ARHGAP22: variants seen among roughly 807,000 people sequenced by gnomAD.
The protein encoded by ARHGAP22 is Rho GTPase activating protein 22, also known as rho GTPase-activating protein 22.
A neutral mutation model predicts 59.1 loss-of-function variants in ARHGAP22; 48 were observed. That is an observed-to-expected ratio of 0.81 (90% confidence interval 0.64 to 1.03). The LOEUF (loss-of-function observed/expected upper bound fraction) is 1.03. Among genes scored for constraint, ARHGAP22 ranks in the 50% least tolerant of loss-of-function variants. The pLI is 0.00. For synonymous variants in ARHGAP22, 445 were observed against 416.4 expected (o/e 1.07, Z -0.84); for missense variants, 1,015 against 958.7 (o/e 1.06, Z -0.78).
chr10:48,448,487 G>C (rs1343619330), intron 9 of ARHGAP22, among the ~76,000 whole-genome samples: 1 of 152,196 alleles, frequency 6.6e-6, no homozygotes, highest in African/African-American at 2.4e-5. Context: ...GTACTTCACA[G>C]AAAACAGGTT....
At chr10:48,438,281 GT>G in the ARHGAP22 span, 1 of 152,144 alleles carries the variant, frequency 6.6e-6, no homozygotes, top group African/African-American at 2.4e-5. Context: ...TTGCATTTTT[GT>G]GTGCATTGTG....
At chr10:48,543,174 C>T (rs895704276) in intron 3 of ARHGAP22, among the ~76,000 whole-genome samples, 3 of 152,182 alleles carry the variant, frequency 2.0e-5, no homozygotes, top group Non-Finnish European at 2.9e-5. Context: ...GCCCTAGGCC[C>T]GCACAGAGAT....
At chr10:48,608,467 G>A (rs528027157), upstream of ARHGAP22, among the ~76,000 whole-genome samples, 16 of 152,316 alleles carry the variant, frequency 1.1e-4, no homozygotes, top group African/African-American at 3.6e-4. Context: ...GCAAAGCCCT[G>A]CTTCCCCTGT....
chr10:48,434,836 T>C, the ARHGAP22 span: 1 of 1,539,784 alleles, frequency 6.5e-7, no homozygotes, highest in Non-Finnish European at 8.8e-7. Context: ...AGTAGCTTGA[T>C]CTGCAGCTGT....
intron 3 of ARHGAP22, among the ~76,000 whole-genome samples, chr10:48,492,627 C>T (rs1210151467): frequency 6.6e-6 from 1 of 152,102 alleles, no homozygotes; most frequent in African/African-American, 2.4e-5. Context: ...AATCCTGGCT[C>T]ACTACAACCT....
chr10:48,451,233 G>A (rs1487256112), intron 8 of ARHGAP22, 93 bp from the exon 9 acceptor site: 11 of 1,512,382 alleles, frequency 7.3e-6, no homozygotes, highest in East Asian at 2.5e-5. Flanking sequence ...CTTCGTGGGA[G>A]CTGGCCCTGT....
chr10:48,545,670 C>A (rs186872635), intron 3 of ARHGAP22, among the ~76,000 whole-genome samples: 1 of 152,138 alleles, frequency 6.6e-6, no homozygotes, highest in South Asian at 2.1e-4. Context: ...GTCTCCTCTG[C>A]GGAGTAATCT....
intron 3 of ARHGAP22, among the ~76,000 whole-genome samples, chr10:48,527,209 A>T (rs2054403237): frequency 1.3e-5 from 2 of 151,914 alleles, no homozygotes; most frequent in South Asian, 4.2e-4. Flanking sequence ...GGATGGATGG[A>T]TGGGCAGATG....
At chr10:48,593,287 G>A (rs1368999185) in intron 1 of ARHGAP22, among the ~76,000 whole-genome samples, 1 of 152,180 alleles carries the variant, frequency 6.6e-6, no homozygotes, top group African/African-American at 2.4e-5. Flanking sequence ...TTATAGAAGT[G>A]GAAGAAAGTA....
intron 3 of ARHGAP22, among the ~76,000 whole-genome samples, chr10:48,500,329 ACT>A (rs2051375237): frequency 6.7e-6 from 1 of 150,270 alleles, no homozygotes; most frequent in South Asian, 2.1e-4. Context: ...ACAAAGCAAG[ACT>A]CTATCTCAAA....
exon 1 of ARHGAP22, chr10:48,652,250 A>G: frequency 2.0e-6 from 3 of 1,535,652 alleles, no homozygotes; most frequent in South Asian, 2.4e-5. Context: ...ATCTGGCTGC[A>G]AACGTCCTCC....
At chr10:48,592,768 T>C (rs1431277842) in intron 1 of ARHGAP22, among the ~76,000 whole-genome samples, 1 of 152,142 alleles carries the variant, frequency 6.6e-6, no homozygotes, top group Non-Finnish European at 1.5e-5. Context: ...CCTCCCAGGG[T>C]TCCCCCATCT....
chr10:48,654,718 G>C (rs892895505), upstream of ARHGAP22, among the ~76,000 whole-genome samples: 4 of 152,148 alleles, frequency 2.6e-5, no homozygotes, highest in African/African-American at 9.7e-5. Flanking sequence ...GAGAGAGGGA[G>C]AGAGAGACAG....
intron 3 of ARHGAP22, among the ~76,000 whole-genome samples, chr10:48,547,851 T>C (rs1028635082): frequency 6.6e-6 from 1 of 152,198 alleles, no homozygotes; most frequent in East Asian, 1.9e-4. Flanking sequence ...AGGCCAATGA[T>C]GTGACACTCA....
intron 1 of ARHGAP22, among the ~76,000 whole-genome samples, chr10:48,622,204 G>A (rs561744067): frequency 2.0e-5 from 3 of 152,220 alleles, no homozygotes; most frequent in African/African-American, 7.2e-5. Context: ...TATGTGTGAT[G>A]TATCTTTTTT....
intron 3 of ARHGAP22, among the ~76,000 whole-genome samples, chr10:48,536,266 A>G (rs2055344170): frequency 1.3e-5 from 2 of 152,220 alleles, no homozygotes; most frequent in South Asian, 2.1e-4. Context: ...GGTGTTGCCA[A>G]TGAGAGGACA....
At chr10:48,595,484 C>T (rs1589061965) in intron 1 of ARHGAP22, among the ~76,000 whole-genome samples, 1 of 152,026 alleles carries the variant, frequency 6.6e-6, no homozygotes, top group Admixed American at 6.6e-5. Flanking sequence ...TTGAGTGCCC[C>T]TACTTTTAAA....
intron 9 of ARHGAP22, 41 bp from the exon 10 acceptor site, chr10:48,446,660 C>G: frequency 6.4e-7 from 1 of 1,570,236 alleles, no homozygotes; most frequent in Non-Finnish European, 8.7e-7. Context: ...ACTCTGCGGG[C>G]CAGGTTCACT....
chr10:48,529,357 G>A (rs1283782822), intron 3 of ARHGAP22, among the ~76,000 whole-genome samples: 4 of 152,240 alleles, frequency 2.6e-5, no homozygotes, highest in Middle Eastern at 3.4e-3. Flanking sequence ...CCCCTCCCTC[G>A]AATCTAGGCT....
Sources: allele counts gnomAD v4.1 joint callset (sites outside exome capture counted in the v4.1 genomes callset), GRCh38; gene constraint gnomAD v4.1.1; transcripts MANE v1.5; gene names NCBI Gene and HGNC (gene_info 2026-07-23, HGNC 2026-07-21).